The following PLXDC2 variants were observed in gnomAD, a reference collection of about 807,000 sequenced individuals.
The protein encoded by PLXDC2 is plexin domain-containing protein 2.
In PLXDC2, 40 loss-of-function variants were observed where a neutral mutation model predicts 68.9. The ratio of observed to expected loss-of-function variants is 0.58; its 90% CI spans 0.45 to 0.76. PLXDC2 has a LOEUF of 0.76. Among genes scored for constraint, PLXDC2 ranks in the 30% least tolerant of loss-of-function variants. PLXDC2 has a pLI of 0.00. For synonymous variants in PLXDC2, 243 were observed against 234.2 expected, an observed-to-expected ratio of 1.04 and a Z score of -0.34; for missense variants, 644 against 661.9, an observed-to-expected ratio of 0.97 and a Z score of 0.30.
rs1025113071 is a variant in PLXDC2, at chr10:20,285,723, AC to A, written c.*5905del. 1.3e-5 allele frequency: 2 copies of A among 152,120 alleles called. No individual in the cohort carries two copies. The highest frequency in any genetic ancestry group is 4.8e-5 in the African/African-American group (2 of 41,422). The allele number at this position is 152,120 out of a possible 1,614,324, so 9.4% of individuals were successfully genotyped here. A position where few individuals can be genotyped will look rare whatever the true frequency, so the allele number is the denominator to read the frequency against. On this transcript the variant is annotated 3_prime_UTR_variant, in exon 14 of 14. Transcript: ENST00000377252. ...TATTGGGTTTTGAATTATTAATATC[AC>A]TGTTTTGAGGTATTCAGAAACACCA... is the stretch of plus-strand genomic sequence containing the variant.
At chr10:20,229,517 C>CAAAAA (rs58386547) in intron 12 of PLXDC2, among the ~76,000 whole-genome samples, 20 of 105,618 alleles carry the variant, frequency 1.9e-4, no homozygotes, top group African/African-American at 3.6e-4. Context: ...CCACTTTAAG[C>CAAAAA]AAAAAAAAAA....
chr10:19,890,619 C>A (rs542233544), intron 1 of PLXDC2, among the ~76,000 whole-genome samples: 1 of 148,238 alleles, frequency 6.7e-6, no homozygotes, highest in East Asian at 2.0e-4. Flanking sequence ...TCGTGATCCA[C>A]CCGCCTCAGC....
At chr10:20,104,204 A>G (rs1833460496) in intron 4 of PLXDC2, among the ~76,000 whole-genome samples, 1 of 152,238 alleles carries the variant, frequency 6.6e-6, no homozygotes. Flanking sequence ...GGGAAACGCA[A>G]TGAGATTACT....
intron 1 of PLXDC2, among the ~76,000 whole-genome samples, chr10:19,975,689 TCTTTA>T (rs1213586340): frequency 6.6e-6 from 1 of 152,188 alleles, no homozygotes; most frequent in East Asian, 1.9e-4. Context: ...AAATTTCTTG[TCTTTA>T]CTTTTCCTTG....
At chr10:20,085,303 G>A (rs1172346914) in intron 4 of PLXDC2, among the ~76,000 whole-genome samples, 1 of 152,088 alleles carries the variant, frequency 6.6e-6, no homozygotes, top group Non-Finnish European at 1.5e-5. Flanking sequence ...CTGATAAAAT[G>A]TTAGAATGCA....
intron 4 of PLXDC2, among the ~76,000 whole-genome samples, chr10:20,126,236 G>GTATAATACATATATACATATACGTTA (rs1218485398): frequency 1.4e-5 from 2 of 144,532 alleles, no homozygotes; most frequent in Admixed American, 1.4e-4. Context: ...CATATACGTT[G>GTATAATACATATATACATATACGTTA]TATAATACAT....
chr10:19,901,982 A>G (rs1389372474), intron 1 of PLXDC2, among the ~76,000 whole-genome samples: 5 of 152,022 alleles, frequency 3.3e-5, no homozygotes, highest in Non-Finnish European at 7.4e-5. Flanking sequence ...TCAGTTGGCT[A>G]TAAGTATTTG....
intron 1 of PLXDC2, among the ~76,000 whole-genome samples, chr10:19,926,693 C>T (rs1833542430): frequency 6.6e-6 from 1 of 152,138 alleles, no homozygotes; most frequent in Non-Finnish European, 1.5e-5. Context: ...CATGCACTTC[C>T]CCCAGTTTCA....
chr10:19,921,172 C>T (rs1833456627), intron 1 of PLXDC2, among the ~76,000 whole-genome samples: 2 of 151,424 alleles, frequency 1.3e-5, no homozygotes, highest in Admixed American at 1.3e-4. Context: ...AGTGATCCTC[C>T]CACTTTGGCC....
intron 1 of PLXDC2, among the ~76,000 whole-genome samples, chr10:19,847,760 T>C (rs976998551): frequency 6.6e-6 from 1 of 152,222 alleles, no homozygotes; most frequent in South Asian, 2.1e-4. Context: ...TTTACGTGCA[T>C]GATTATGTTC....
intron 4 of PLXDC2, among the ~76,000 whole-genome samples, chr10:20,084,313 C>T (rs545626189): frequency 5.9e-5 from 9 of 152,190 alleles, no homozygotes; most frequent in African/African-American, 1.9e-4. Flanking sequence ...TGGACCAAAG[C>T]GATACTTAAA....
At chr10:19,897,194 C>T (rs747938508) in intron 1 of PLXDC2, among the ~76,000 whole-genome samples, 3 of 151,386 alleles carry the variant, frequency 2.0e-5, no homozygotes, top group Non-Finnish European at 4.4e-5. Context: ...TTCTTTTCTC[C>T]ATGTCTCCAT....
At chr10:20,250,271 CAAAAAAAAAAA>C (rs35463564) in intron 13 of PLXDC2, among the ~76,000 whole-genome samples, 1 of 108,470 alleles carries the variant, frequency 9.2e-6, no homozygotes, top group African/African-American at 3.6e-5. Flanking sequence ...GATCCTGTTT[CAAAAAAAAAAA>C]AAAAAAAAAA....
intron 2 of PLXDC2, among the ~76,000 whole-genome samples, chr10:20,031,697 A>G (rs1835503414): frequency 1.3e-5 from 2 of 152,218 alleles, no homozygotes. Context: ...CTTGTAAAAT[A>G]TAAAGAAGCG....
At chr10:19,895,435 A>C (rs567796508) in intron 1 of PLXDC2, among the ~76,000 whole-genome samples, 16 of 152,332 alleles carry the variant, frequency 1.1e-4, no homozygotes, top group Admixed American at 5.2e-4. Flanking sequence ...AAAGCCAAGC[A>C]ATGGATGGAT....
At chr10:19,955,518 C>T (rs973081318) in intron 1 of PLXDC2, among the ~76,000 whole-genome samples, 2 of 152,168 alleles carry the variant, frequency 1.3e-5, no homozygotes, top group Admixed American at 6.5e-5. Flanking sequence ...GGTCCAAGGG[C>T]TGCCTTCATT....
intron 4 of PLXDC2, among the ~76,000 whole-genome samples, chr10:20,080,963 A>G (rs1836546029): frequency 6.6e-6 from 1 of 152,240 alleles, no homozygotes; most frequent in South Asian, 2.1e-4. Flanking sequence ...GAAACTCCTG[A>G]GGATTCTAGT....
chr10:19,943,120 A>G (rs1242047862), intron 1 of PLXDC2, among the ~76,000 whole-genome samples: 3 of 152,200 alleles, frequency 2.0e-5, no homozygotes, highest in Non-Finnish European at 4.4e-5. Flanking sequence ...AGAGTGGCTG[A>G]AGATCAAACG....
intron 4 of PLXDC2, among the ~76,000 whole-genome samples, chr10:20,100,752 T>G (rs1285835731): frequency 6.6e-6 from 1 of 152,182 alleles, no homozygotes; most frequent in Non-Finnish European, 1.5e-5. Context: ...CTGTACCTTT[T>G]GATTCTCTGT....
Sources: allele counts gnomAD v4.1 joint callset (sites outside exome capture counted in the v4.1 genomes callset), GRCh38; gene constraint gnomAD v4.1.1; transcripts MANE v1.5; gene names NCBI Gene and HGNC (gene_info 2026-07-23, HGNC 2026-07-21).